The following PHKG2 variants were observed in gnomAD, a reference collection of about 807,000 sequenced individuals.
PHKG2 encodes the protein phosphorylase kinase catalytic subunit gamma 2.
A neutral mutation model predicts 44.5 loss-of-function variants in PHKG2; 28 were observed. That is an observed-to-expected ratio of 0.63 (90% CI 0.47 to 0.86). The LOEUF (loss-of-function observed/expected upper bound fraction) is 0.86. Ranked by LOEUF, PHKG2 falls within the 40% of genes least tolerant of loss-of-function variation. The pLI, the probability that PHKG2 is intolerant of heterozygous loss-of-function variation, is 0.00. For missense variants in PHKG2, 498 were observed against 547.5 expected (o/e 0.91, Z 0.90); for synonymous variants, 220 against 211.2 (o/e 1.04, Z -0.36).
In PHKG2 at chr16:30,755,263, A is replaced by G. The variant is rs1256794319; in HGVS notation, c.557-919A>G. Reference sequence around the variant, plus strand: ...TCTAAAAATAAATAAATATAAAAATACAGACTTGGATAAAGTTTTGGAGGG... The same window carrying G: ...TCTAAAAATAAATAAATATAAAAATGCAGACTTGGATAAAGTTTTGGAGGG... On this transcript the variant is annotated intron_variant, in intron 6 of 9. Transcript: ENST00000563588. 3.7e-5 allele frequency: 7 copies of G among 188,590 alleles called. No homozygotes were observed. In the Admixed American group the frequency reaches 3.8e-4, roughly 10 times the overall value. 11.7% of individuals were successfully genotyped at this position (188,590 alleles called of 1,614,324 possible). A position where few individuals can be genotyped will look rare whatever the true frequency, so the allele number is the denominator to read the frequency against.
At position 30,760,446 on chromosome 16, in the gene PHKG2, C is replaced by G; in HGVS notation, c.*3349C>G. 6.2e-7 allele frequency: 1 copy of G among 1,614,084 alleles called. No individual in the cohort carries two copies. Among genetic ancestry groups the G allele is most frequent in the South Asian group, 1.1e-5 (1 of 91,086 alleles). ...GGACACCCTAGCTCCAGCAGCTCAG[C>G]CAGCACCCTTGGGAGGGAGAGAGGA... is the stretch of plus-strand genomic sequence containing the variant. On this transcript the variant is annotated 3_prime_UTR_variant, in exon 10 of 10. Coordinates refer to ENST00000563588, the MANE Select transcript of PHKG2 (RefSeq NM_000294.3).
Position 30,753,510 on chromosome 16 carries a change from C to T in PHKG2, c.509C>T (p.Ser170Leu). 1.9e-6 allele frequency: 3 copies of T among 1,614,148 alleles called. No homozygotes were observed. The highest frequency in any genetic ancestry group is 2.5e-6 in the Non-Finnish European group (3 of 1,180,030). The stretch of plus-strand genomic sequence containing the variant: ...GATGACAATATGCAGATCCGACTTT[C>T]AGATTTCGGGTTCTCCTGCCACTTG... ...LLDDNMQIRL[S>L]DFGFSCHLEP... The change falls in exon 6 of 10, where the codon TCA (serine) becomes TTA (leucine). Residue 170 changes from serine (S) to leucine (L), a missense_variant. By Grantham distance (145) the Ser-to-Leu change is moderately radical (BLOSUM62 -2). Coordinates refer to ENST00000563588, the MANE Select transcript of PHKG2 (RefSeq NM_000294.3).
Position 30,756,851 on chromosome 16 carries a change from C to A in PHKG2, c.975C>A (p.Thr325=). Residue 325 remains threonine, a synonymous_variant, in exon 10 of 10, where the codon ACC becomes ACA. Transcript: ENST00000563588. ...CTGCTGGACGAGTGGCCCTAAGCAC[C>A]CATCGTGTACGGCCACTGACCAAGA... ...VLAAGRVALS[T]HRVRPLTKNA... is the part of the protein sequence containing the mutation. 2 of 1,614,160 alleles carry A rather than the reference C, an allele frequency of 1.2e-6. No individual in the cohort carries two copies. Among genetic ancestry groups the A allele is most frequent in the Non-Finnish European group, 1.7e-6 (2 of 1,180,032 alleles).
chr16:30,756,176 C>T lies in PHKG2; in HGVS notation c.557-6C>T. ...CATCCCCTCAATCTTGGTCCTCTCT[C>T]CCCAGAGTTGTGTGGGACCCCAGGG... On this transcript the variant is annotated splice_polypyrimidine_tract_variant and splice_region_variant and intron_variant, in intron 6 of 9. Coordinates refer to ENST00000563588, the MANE Select transcript of PHKG2 (RefSeq NM_000294.3). The T allele has an allele frequency of 6.2e-7, 1 of 1,612,348 alleles. No homozygotes were observed. Among genetic ancestry groups the T allele is most frequent in the Non-Finnish European group, 8.5e-7 (1 of 1,178,362 alleles).
Position 30,759,599 on chromosome 16 carries a change from G to C in PHKG2, c.*2502G>C. On this transcript the variant is annotated 3_prime_UTR_variant, in exon 10 of 10. Coordinates refer to ENST00000563588, the MANE Select transcript of PHKG2 (RefSeq NM_000294.3). ...GGGTGATGAATGTGAGAGAGACTGG[G>C]TGAGACCTTGTCTGGGGATGGGTAA... is the stretch of plus-strand genomic sequence containing the variant. The C allele has an allele frequency of 6.2e-7, 1 of 1,614,130 alleles. No individual in the cohort carries two copies. Among genetic ancestry groups the C allele is most frequent in the Non-Finnish European group, 8.5e-7 (1 of 1,180,034 alleles).
chr16:30,760,474 G>A lies in PHKG2; in HGVS notation c.*3377G>A, dbSNP rs777502771. ...GCACCCTTGGGAGGGAGAGAGGAGT[G>A]AGTGACAACTGGGCCTCCTTTCATC... On this transcript the variant is annotated 3_prime_UTR_variant, in exon 10 of 10. Transcript: ENST00000563588. The A allele has an allele frequency of 6.2e-7, 1 of 1,613,160 alleles. No homozygotes were observed. The highest frequency in any genetic ancestry group is 8.5e-7 in the Non-Finnish European group (1 of 1,179,362).
rs1282082004 is a variant in PHKG2, at chr16:30,751,128, C to T, written c.118C>T (p.Arg40Cys). ...IGRGVSSVVR[R>C]CVHRATGHEF... ...CAGAGGAGTGAGCTCTGTGGTCCGC[C>T]GTTGTGTTCATCGAGCTACTGGCCA... The change falls in exon 3 of 10, where the codon CGT becomes TGT. Residue 40 changes from arginine to cysteine, a missense_variant. Arg to Cys is a radical substitution (Grantham distance 180). Transcript: ENST00000563588. 14 of 1,613,776 alleles carry T rather than the reference C, an allele frequency of 8.7e-6. No homozygotes were observed. Among genetic ancestry groups the T allele is most frequent in the Non-Finnish European group, 1.2e-5 (14 of 1,180,034 alleles).
At chr16:30,751,701 C>A (rs759947309) in intron 4 of PHKG2, 98 bp downstream of exon 4, 1 of 989,456 alleles carries the variant, frequency 1.0e-6, no homozygotes. Context: ...CCTGCTCACA[C>A]CTTCCTGTTC....
In PHKG2 at chr16:30,756,505, C is replaced by T. The variant is rs750279480; in HGVS notation, c.786C>T (p.Ser262=). The T allele has an allele frequency of 3.0e-5, 48 of 1,613,056 alleles. No individual in the cohort carries two copies. The highest frequency in any genetic ancestry group is 3.7e-5 in the Non-Finnish European group (44 of 1,180,018). ...FSSPEWDDRS[S]TVKDLISRLL... is the part of the protein sequence containing the mutation. ...CCCCCGAGTGGGATGACCGTTCCAG[C>T]ACTGTCAAAGACCTGGTGAGCGGGG... The change falls in exon 8 of 10, where the codon AGC becomes AGT. Residue 262 remains serine (S), a synonymous_variant. Transcript: ENST00000563588.
chr16:30,751,025 G>C (rs1283386462), intron 2 of PHKG2, 81 bp from the exon 3 acceptor site: 3 of 1,416,170 alleles, frequency 2.1e-6, no homozygotes, highest in East Asian at 2.3e-5. Context: ...GGCACAGCGG[G>C]CATGAGGATG....
chr16:30,750,180 T>C (rs1405731390), intron 2 of PHKG2, among the ~76,000 whole-genome samples: 1 of 152,016 alleles, frequency 6.6e-6, no homozygotes, highest in Non-Finnish European at 1.5e-5. Flanking sequence ...TTGCCCCACC[T>C]ATGATGTATG....
rs1338984947 is a variant in PHKG2, at chr16:30,759,185, A to T, written c.*2088A>T. The T allele has an allele frequency of 6.2e-7, 1 of 1,613,732 alleles. No homozygotes were observed. Among genetic ancestry groups the T allele is most frequent in the Non-Finnish European group, 8.5e-7 (1 of 1,179,906 alleles). ...CCTGGCACTCTCCCTTACCCGTCTC[A>T]CTCTCTGGCCACAGTTTGGGTGGCT... On this transcript the variant is annotated 3_prime_UTR_variant, in exon 10 of 10. Coordinates refer to ENST00000563588, the MANE Select transcript of PHKG2 (RefSeq NM_000294.3).
Position 30,760,044 on chromosome 16 carries a change from G to A in PHKG2, c.*2947G>A. On this transcript the variant is annotated 3_prime_UTR_variant, in exon 10 of 10. Transcript: ENST00000563588. ...AACATTCTAAAGCAGGTGTTATTGT[G>A]CACTATGCATATATTTGCATATATT... 6.6e-7 allele frequency: 1 copy of A among 1,517,760 alleles called. No homozygotes were observed. The highest frequency in any genetic ancestry group is 2.1e-5 in the Admixed American group (1 of 48,564). 94.0% of individuals were successfully genotyped at this position (1,517,760 alleles called of 1,614,324 possible). A position where few individuals can be genotyped will look rare whatever the true frequency, so the allele number is the denominator to read the frequency against.
Position 30,761,088 on chromosome 16 carries a change from A to G in PHKG2, c.*3991A>G. 1 of 1,260,242 alleles carries G rather than the reference A, an allele frequency of 7.9e-7. No individual in the cohort carries two copies. Among genetic ancestry groups the G allele is most frequent in the Non-Finnish European group, 1.1e-6 (1 of 894,628 alleles). 78.1% of individuals were successfully genotyped at this position (1,260,242 alleles called of 1,614,324 possible). On this transcript the variant is annotated 3_prime_UTR_variant, in exon 10 of 10. Transcript: ENST00000563588. ...AGTCACCTGGAGTAATTGCATCTCCAGGCCTCAGTCTCATCTGTAAAATGG... is the reference window on the plus strand; with the variant it reads ...AGTCACCTGGAGTAATTGCATCTCCGGGCCTCAGTCTCATCTGTAAAATGG...
Position 30,759,381 on chromosome 16 carries a change from G to A in PHKG2, c.*2284G>A. 1 of 1,614,238 alleles carries A rather than the reference G, an allele frequency of 6.2e-7. No homozygotes were observed. The highest frequency in any genetic ancestry group is 8.5e-7 in the Non-Finnish European group (1 of 1,180,046). On this transcript the variant is annotated 3_prime_UTR_variant, in exon 10 of 10. Transcript: ENST00000563588. ...CGTATTTATAGAGCTTGAAGTGGCG[G>A]AAGTAAGTGTTGACCACGTAGTCTT...
At chr16:30,748,670 C>CT in intron 1 of PHKG2, 133 bp from the exon 2 acceptor site, 10 of 413,758 alleles carry the variant, frequency 2.4e-5, no homozygotes, top group South Asian at 1.5e-4. Context: ...AGTCCGGGTC[C>CT]TTCCCCCACC....
chr16:30,756,579 GTC>G lies in PHKG2; in HGVS notation c.802-6_802-5del. ...CCAAGAGCTGCCCCTCATGCTCTGG[GTC>G]TCTCCTAGATCTCCAGGCTGCTGCA... is the stretch of plus-strand genomic sequence containing the variant. On this transcript the variant is annotated splice_polypyrimidine_tract_variant and intron_variant, in intron 8 of 9. Transcript: ENST00000563588. The G allele has an allele frequency of 1.9e-6, 3 of 1,613,578 alleles. No homozygotes were observed. Among genetic ancestry groups the G allele is most frequent in the Non-Finnish European group, 2.5e-6 (3 of 1,180,008 alleles).
At chr16:30,756,135 C>CT in intron 6 of PHKG2, 47 bp from the exon 7 acceptor site, 1 of 1,407,884 alleles carries the variant, frequency 7.1e-7, no homozygotes, top group Non-Finnish European at 1.0e-6. Flanking sequence ...GCTAAGGGCC[C>CT]TAGAGGGGCT....
intron 8 of PHKG2, 34 bp from the exon 9 acceptor site, chr16:30,756,556 A>G (rs1478292567): frequency 4.3e-6 from 7 of 1,613,040 alleles, no homozygotes; most frequent in Non-Finnish European, 5.9e-6. Flanking sequence ...GGGGAGGCCC[A>G]AGAGCTGCCC....
Sources: gnomAD v4.1 joint callset for allele counts (sites outside exome capture counted in the v4.1 genomes callset) on GRCh38, gnomAD v4.1.1 for gene constraint, MANE v1.5 for transcripts, NCBI Gene and HGNC (gene_info 2026-07-23, HGNC 2026-07-21) for gene names.